MYO18B: variants seen among roughly 807,000 people sequenced by gnomAD.
MYO18B encodes the protein unconventional myosin-XVIIIb.
A neutral mutation model predicts 273.0 loss-of-function variants in MYO18B; 204 were observed. The observed-to-expected ratio is 0.75, with a 90% confidence interval of 0.67 to 0.84. The LOEUF is 0.84. MYO18B is among the 40% of genes least tolerant of loss of function. The probability of loss-of-function intolerance (pLI) is 0.00; values close to 1 mark genes in which losing one functional copy is unlikely to be tolerated. For missense variants in MYO18B, 3,212 were observed against 3,287.6 expected, an observed-to-expected ratio of 0.98 and a Z score of 0.56; for synonymous variants, 1,330 against 1,305.7, an observed-to-expected ratio of 1.02 and a Z score of -0.40.
rs12628327 is a variant in MYO18B, at chr22:25,767,308, A to G, written c.199-807A>G. 3.7e-4 allele frequency among the ~76,000 whole-genome samples: 57 copies of G among 152,330 alleles called. No individual in the cohort carries two copies. In the East Asian group the frequency reaches 0.01, roughly 28 times the overall value. On this transcript the variant is annotated intron_variant, in intron 3 of 43. Transcript: ENST00000335473. Reference sequence around the variant, plus strand: ...GAAACCCCTTGGGTGTTATGCAGTCACAAATGTCTGGGTCAGGCAAGAGTG... The same window carrying G: ...GAAACCCCTTGGGTGTTATGCAGTCGCAAATGTCTGGGTCAGGCAAGAGTG...
rs1403876857 is a variant in MYO18B at position 25,880,107 on chromosome 22, A to G, written c.4314+2059A>G. Among the ~76,000 whole-genome samples the G allele has an allele frequency of 5.9e-5, 9 of 152,208 alleles. No homozygotes were observed. The East Asian group carries it at 1.3e-3, about 23-fold the overall frequency. On this transcript the variant is annotated intron_variant, in intron 25 of 43. Coordinates refer to ENST00000335473, the MANE Select transcript of MYO18B (RefSeq NM_032608.7). ...GTGGTCAGCAAGCCACGGCTAGACC[A>G]AAGAGGAGCTTTTCGACGAAAACCT...
At chr22:25,753,740 G>A (rs1284679509) in intron 1 of MYO18B, among the ~76,000 whole-genome samples, 4 of 152,122 alleles carry the variant, frequency 2.6e-5, no homozygotes, top group African/African-American at 9.7e-5. Flanking sequence ...CACCGCGAAG[G>A]CCTGCAGCTT....
chr22:25,858,340 G>T (rs1240933145), intron 21 of MYO18B, among the ~76,000 whole-genome samples: 1 of 152,208 alleles, frequency 6.6e-6, no homozygotes, highest in Non-Finnish European at 1.5e-5. Context: ...GGAAGCCATT[G>T]GACCATGGTG....
the MYO18B span, among the ~76,000 whole-genome samples, chr22:26,058,043 C>T: frequency 1.3e-5 from 2 of 152,150 alleles, no homozygotes; most frequent in Non-Finnish European, 2.9e-5. Context: ...TGAGATAAAA[C>T]TTATTCACTA....
chr22:25,763,314 G>T lies in MYO18B; in HGVS notation c.123G>T (p.Leu41=). The change falls in exon 3 of 44, where the codon CTG becomes CTT. Residue 41 remains leucine (L), a synonymous_variant. Coordinates refer to ENST00000335473, the MANE Select transcript of MYO18B (RefSeq NM_032608.7). ...TCCCAGGGGGCTTCATTAAGCAACT[G>T]GTCCGGGGGACTGAAAAAGAGGCCA... ...SVIPGGFIKQ[L]VRGTEKEAKE... is the part of the protein sequence containing the mutation. The T allele has an allele frequency of 6.2e-7, 1 of 1,613,226 alleles. No individual in the cohort carries two copies. The highest frequency in any genetic ancestry group is 8.5e-7 in the Non-Finnish European group (1 of 1,179,722).
chr22:26,026,007 G>A (rs556039089), intron 42 of MYO18B, among the ~76,000 whole-genome samples: 2 of 152,340 alleles, frequency 1.3e-5, no homozygotes, highest in South Asian at 4.1e-4. Flanking sequence ...TTTGGGTCTT[G>A]ACTCTCAGAA....
At chr22:25,864,923 A>G (rs1237632636) in intron 21 of MYO18B, among the ~76,000 whole-genome samples, 1 of 152,200 alleles carries the variant, frequency 6.6e-6, no homozygotes, top group African/African-American at 2.4e-5. Flanking sequence ...GACACAGGAC[A>G]AGGAGGAATT....
At position 25,883,818 on chromosome 22, in the gene MYO18B, C is replaced by G. The variant is rs1022796783; in HGVS notation, c.4314+5770C>G. The G allele has an allele frequency of 6.6e-6, 1 of 152,212 alleles. No individual in the cohort carries two copies. Among genetic ancestry groups the G allele is most frequent in the Non-Finnish European group, 1.5e-5 (1 of 68,030 alleles). The allele number at this position is 152,212 out of a possible 1,614,324, so 9.4% of individuals were successfully genotyped here. On this transcript the variant is annotated intron_variant, in intron 25 of 43. Transcript: ENST00000335473. This position sits in a 1 kb window ranked among gnomAD's most constrained non-coding sequence, Gnocchi z 7.6. Reference sequence around the variant, plus strand: ...TCACTATTGCAAAATGATTTAAGTGCTTCATTTGTGAAGGAGCAGAAGAGG... The same window carrying G: ...TCACTATTGCAAAATGATTTAAGTGGTTCATTTGTGAAGGAGCAGAAGAGG...
downstream of MYO18B, among the ~76,000 whole-genome samples, chr22:26,033,338 A>T (rs1390569924): frequency 6.6e-6 from 1 of 152,232 alleles, no homozygotes; most frequent in African/African-American, 2.4e-5. Context: ...TTAGCTGGGG[A>T]GACAGACAAT....
intron 25 of MYO18B, among the ~76,000 whole-genome samples, chr22:25,880,719 G>A (rs1216435161): frequency 1.3e-5 from 2 of 152,258 alleles, no homozygotes; most frequent in African/African-American, 4.8e-5. Context: ...GGCCGATAGA[G>A]GGAGACAGAC....
intron 33 of MYO18B, 135 bp downstream of exon 33, chr22:25,911,185 C>A: frequency 1.4e-6 from 1 of 689,796 alleles, no homozygotes; most frequent in Admixed American, 2.5e-5. Context: ...ACTGGCTCTT[C>A]AAAGGAGACC....
chr22:25,753,252 G>A (rs958295322), intron 1 of MYO18B, among the ~76,000 whole-genome samples: 2 of 152,218 alleles, frequency 1.3e-5, no homozygotes, highest in Non-Finnish European at 2.9e-5. Context: ...GGGGGCGGGG[G>A]TTGCTGGATT....
intron 34 of MYO18B, among the ~76,000 whole-genome samples, chr22:25,936,604 T>C (rs1712643282): frequency 1.3e-5 from 2 of 152,178 alleles, no homozygotes; most frequent in African/African-American, 4.8e-5. Context: ...TGTTATAAAT[T>C]AACATGTCTT....
intron 21 of MYO18B, among the ~76,000 whole-genome samples, chr22:25,854,476 T>C (rs2090511898): frequency 6.6e-6 from 1 of 152,126 alleles, no homozygotes; most frequent in Admixed American, 6.5e-5. Context: ...CTCAGATTCC[T>C]GACATAGGGC....
In MYO18B at chr22:25,769,328, T is replaced by G; in HGVS notation, c.1412T>G (p.Leu471Arg). The G allele has an allele frequency of 6.3e-7, 1 of 1,578,074 alleles. No homozygotes were observed. Among genetic ancestry groups the G allele is most frequent in the Non-Finnish European group, 8.6e-7 (1 of 1,162,508 alleles). ...CTGGAAGGACCCAGCCAGCCTGCTC[T>G]GGAGAAGGATGCAGAAAGGCCTCGG... ...TELEGPSQPA[L>R]EKDAERPRIR... is the part of the protein sequence containing the mutation. The change falls in exon 4 of 44, where the codon CTG becomes CGG. Residue 471 changes from leucine (L) to arginine (R), a missense_variant. Coordinates refer to ENST00000335473, the MANE Select transcript of MYO18B (RefSeq NM_032608.7).
intron 36 of MYO18B, among the ~76,000 whole-genome samples, chr22:25,948,670 A>G (rs2092757022): frequency 6.6e-6 from 1 of 151,748 alleles, no homozygotes; most frequent in African/African-American, 2.4e-5. Context: ...GAAAAATGCT[A>G]AGTATATTGT....
intron 1 of MYO18B, among the ~76,000 whole-genome samples, chr22:25,755,364 G>A (rs13058625): frequency 0.12 from 18,223 of 152,048 alleles, 1,396 homozygotes; most frequent in East Asian, 0.27. Flanking sequence ...GCGCTGGCAC[G>A]CCCATCTAAT....
intron 21 of MYO18B, among the ~76,000 whole-genome samples, chr22:25,856,957 C>T (rs1337714509): frequency 6.6e-6 from 1 of 152,086 alleles, no homozygotes; most frequent in African/African-American, 2.4e-5. Flanking sequence ...CCATGGTCCT[C>T]TCTAGGAAGC....
At chr22:25,948,235 A>C (rs925290141) in intron 36 of MYO18B, among the ~76,000 whole-genome samples, 1 of 151,998 alleles carries the variant, frequency 6.6e-6, no homozygotes, top group Non-Finnish European at 1.5e-5. Flanking sequence ...CCACCCATCC[A>C]TCTGTCTGTC....
Sources: gnomAD v4.1 joint callset for allele counts (sites outside exome capture counted in the v4.1 genomes callset) on GRCh38, gnomAD v4.1.1 for gene constraint, Gnocchi (gnomAD v3.1) non-coding constraint, MANE v1.5 for transcripts, NCBI Gene and HGNC (gene_info 2026-07-23, HGNC 2026-07-21) for gene names.